Variants in DCUN1D4 observed in about 807,000 individuals in gnomAD.
DCUN1D4 encodes DCN1-like protein 4.
Under a neutral mutation model 47.9 loss-of-function variants are expected in DCUN1D4, and 22 were observed. The observed-to-expected ratio is 0.46, with a 90% CI of 0.33 to 0.66. The LOEUF (loss-of-function observed/expected upper bound fraction) is 0.66, where lower values mean the gene tolerates loss of function less well. Among genes scored for constraint, DCUN1D4 ranks in the 30% least tolerant of loss-of-function variants. The probability of loss-of-function intolerance (pLI) is 0.02; values close to 1 mark genes in which losing one functional copy is unlikely to be tolerated. For synonymous variants in DCUN1D4, 121 were observed against 112.2 expected (o/e 1.08, Z -0.50); for missense variants, 301 against 340.8 (o/e 0.88, Z 0.92).
chr4:51,880,332 TCATTTTCCGTA>T (rs1728392879), intron 5 of DCUN1D4, among the ~76,000 whole-genome samples: 1 of 152,214 alleles, frequency 6.6e-6, no homozygotes, highest in African/African-American at 2.4e-5. Context: ...TGAGCCATGT[TCATTTTCCGTA>T]GAAGAGAGCA....
chr4:51,911,253 AT>A (rs1733676150), intron 9 of DCUN1D4, 79 bp downstream of exon 9: 1 of 1,358,720 alleles, frequency 7.4e-7, no homozygotes, highest in South Asian at 1.3e-5. Context: ...GTTGTATGTA[AT>A]TTTTTGTTTG....
intron 1 of DCUN1D4, among the ~76,000 whole-genome samples, chr4:51,849,170 C>T (rs956551430): frequency 2.0e-5 from 3 of 152,180 alleles, no homozygotes; most frequent in Admixed American, 6.5e-5. Context: ...CCCTGGCAGG[C>T]AGATCTTCTC....
intron 1 of DCUN1D4, chr4:51,848,516 T>C: frequency 1.8e-6 from 1 of 566,188 alleles, no homozygotes; most frequent in Non-Finnish European, 2.3e-6. Flanking sequence ...AAAATTTTCT[T>C]TGATGAATCT....
chr4:51,915,388 A>G lies in DCUN1D4; in HGVS notation c.*1804A>G, dbSNP rs967555328. 13 of 152,704 alleles carry G rather than the reference A, an allele frequency of 8.5e-5. No individual in the cohort carries two copies. The highest frequency in any genetic ancestry group is 3.1e-4 in the African/African-American group (13 of 41,562). The allele number at this position is 152,704 out of a possible 1,614,324, so 9.5% of individuals were successfully genotyped here. A position where few individuals can be genotyped will look rare whatever the true frequency, so the allele number is the denominator to read the frequency against. On this transcript the variant is annotated 3_prime_UTR_variant, in exon 11 of 11. Coordinates refer to ENST00000334635, the MANE Select transcript of DCUN1D4 (RefSeq NM_001040402.3). ...ATACTTAACCACTCCTTATTTGTAGATTCACTTTCAACCTTAAAAATTAAT... is the reference window on the plus strand; with the variant it reads ...ATACTTAACCACTCCTTATTTGTAGGTTCACTTTCAACCTTAAAAATTAAT...
chr4:51,874,165 A>C, intron 3 of DCUN1D4, 106 bp from the exon 4 acceptor site: 5 of 580,568 alleles, frequency 8.6e-6, no homozygotes. Context: ...TAAATTCCTT[A>C]CAATACAAGC....
chr4:51,834,084 C>CTTTTTTTTT, the DCUN1D4 span, among the ~76,000 whole-genome samples: 1 of 44,992 alleles, frequency 2.2e-5, no homozygotes, highest in Non-Finnish European at 3.8e-5. Flanking sequence ...CTCTCTCTCT[C>CTTTTTTTTT]TCTTTTCTTT....
rs545245318 is a variant in DCUN1D4 at position 51,891,673 on chromosome 4, G to A, written c.415-87G>A. ...TGTGAACAGAAGCATTTAGCAAAAC[G>A]TTAATGTATTAATGACAGATCTATT... On this transcript the variant is annotated intron_variant, in intron 6 of 10. Coordinates refer to ENST00000334635, the MANE Select transcript of DCUN1D4 (RefSeq NM_001040402.3). 9.4e-5 allele frequency: 97 copies of A among 1,037,096 alleles called. No individual in the cohort carries two copies. The East Asian group carries it at 1.1e-3, about 11-fold the overall frequency. 64.2% of individuals were successfully genotyped at this position (1,037,096 alleles called of 1,614,324 possible). A position where few individuals can be genotyped will look rare whatever the true frequency, so the allele number is the denominator to read the frequency against.
intron 5 of DCUN1D4, among the ~76,000 whole-genome samples, chr4:51,880,397 A>G (rs1560487398): frequency 1.3e-5 from 2 of 152,168 alleles, no homozygotes; most frequent in Non-Finnish European, 2.9e-5. Flanking sequence ...CTGCCTTTTA[A>G]TCTGGAGTAG....
chr4:51,916,420 C>T lies in DCUN1D4; in HGVS notation c.*2836C>T, dbSNP rs1486808432. ...TTTAACAGTGCTTTTGAAGTTTATA[C>T]AGAAAGCTTTAAAAGTTAGTTTGTG... On this transcript the variant is annotated 3_prime_UTR_variant, in exon 11 of 11. Coordinates refer to ENST00000334635, the MANE Select transcript of DCUN1D4 (RefSeq NM_001040402.3). 2.6e-5 allele frequency: 4 copies of T among 152,540 alleles called. No homozygotes were observed. The highest frequency in any genetic ancestry group is 5.9e-5 in the Non-Finnish European group (4 of 67,994). 9.4% of individuals were successfully genotyped at this position (152,540 alleles called of 1,614,324 possible).
intron 1 of DCUN1D4, chr4:51,860,488 T>C: frequency 2.3e-6 from 1 of 438,432 alleles, no homozygotes; most frequent in Non-Finnish European, 4.6e-6. Flanking sequence ...AAGAAATACC[T>C]GAGACTGGGT....
chr4:51,838,984 A>C (rs890547901), upstream of DCUN1D4, among the ~76,000 whole-genome samples: 1 of 152,158 alleles, frequency 6.6e-6, no homozygotes, highest in Admixed American at 6.5e-5. Context: ...CTGAGGCAGG[A>C]GAATCACTTG....
chr4:51,859,867 T>C (rs2109874806), intron 1 of DCUN1D4, among the ~76,000 whole-genome samples: 1 of 152,196 alleles, frequency 6.6e-6, no homozygotes, highest in South Asian at 2.1e-4. Flanking sequence ...GATCATGGAA[T>C]GCAGTCAAAA....
intron 4 of DCUN1D4, among the ~76,000 whole-genome samples, chr4:51,877,067 C>T (rs1334368546): frequency 1.3e-5 from 2 of 152,044 alleles, no homozygotes; most frequent in African/African-American, 4.8e-5. Context: ...GTCACAGTTG[C>T]AACAGGAGGC....
chr4:51,862,373 C>G (rs931538048), intron 1 of DCUN1D4, among the ~76,000 whole-genome samples: 5 of 152,256 alleles, frequency 3.3e-5, no homozygotes, highest in African/African-American at 1.2e-4. Flanking sequence ...AGCTTGTTTT[C>G]AGGGTTCAGA....
At position 51,913,719 on chromosome 4, in the gene DCUN1D4, G is replaced by T. The variant is rs1734035777; in HGVS notation, c.*135G>T. The T allele has an allele frequency of 2.5e-6, 2 of 798,004 alleles. No homozygotes were observed. The highest frequency in any genetic ancestry group is 2.2e-5 in the Admixed American group (1 of 45,276). The allele number at this position is 798,004 out of a possible 1,614,324, so 49.4% of individuals were successfully genotyped here. ...CTTTCGCAGGGACATGTTGGTGTTTGCTATTGAATTGGCCAGCTCTGCTTG... is the reference window on the plus strand; with the variant it reads ...CTTTCGCAGGGACATGTTGGTGTTTTCTATTGAATTGGCCAGCTCTGCTTG... On this transcript the variant is annotated 3_prime_UTR_variant, in exon 11 of 11. Coordinates refer to ENST00000334635, the MANE Select transcript of DCUN1D4 (RefSeq NM_001040402.3).
chr4:51,885,250 C>G (rs891682679), intron 5 of DCUN1D4, among the ~76,000 whole-genome samples: 4 of 152,124 alleles, frequency 2.6e-5, no homozygotes, highest in Non-Finnish European at 4.4e-5. Flanking sequence ...ATTAGGAGAT[C>G]ATGAGGAGAC....
intron 7 of DCUN1D4, among the ~76,000 whole-genome samples, chr4:51,894,456 G>A (rs1578007292): frequency 6.7e-6 from 1 of 149,694 alleles, no homozygotes; most frequent in Non-Finnish European, 1.5e-5. Context: ...GCCAAGTGTA[G>A]TATTCCAGGC....
intron 8 of DCUN1D4, among the ~76,000 whole-genome samples, chr4:51,901,939 C>T (rs1262975329): frequency 6.6e-6 from 1 of 152,146 alleles, no homozygotes; most frequent in African/African-American, 2.4e-5. Context: ...GAATCCTGTT[C>T]TTTTTTGCTT....
intron 1 of DCUN1D4, among the ~76,000 whole-genome samples, chr4:51,849,850 C>CGT (rs1203236020): frequency 2.4e-5 from 3 of 125,590 alleles, no homozygotes; most frequent in African/African-American, 3.5e-5. Flanking sequence ...TGTGTGCGTG[C>CGT]GTGTGTGTGT....
Sources: allele counts gnomAD v4.1 joint callset (sites outside exome capture counted in the v4.1 genomes callset), GRCh38; gene constraint gnomAD v4.1.1; transcripts MANE v1.5; gene names NCBI Gene and HGNC (gene_info 2026-07-23, HGNC 2026-07-21).